Variants in THBS2 observed in about 807,000 individuals in gnomAD.
THBS2 encodes thrombospondin 2, also known as thrombospondin-2.
A neutral mutation model predicts 135.2 loss-of-function variants in THBS2; 47 were observed. The ratio of observed to expected loss-of-function variants is 0.35; its 90% CI spans 0.28 to 0.44. The LOEUF is 0.44. Ranked by LOEUF, THBS2 falls within the 20% of genes least tolerant of loss-of-function variation. The pLI, the probability that THBS2 is intolerant of heterozygous loss-of-function variation, is 1.00. For missense variants in THBS2, 1,288 were observed against 1,603.1 expected (o/e 0.80, Z 3.36); for synonymous variants, 639 against 633.8 (o/e 1.01, Z -0.12).
At chr6:169,242,653 TCCCACCTTCCCACCAC>T (rs1780365414) in intron 4 of THBS2, among the ~76,000 whole-genome samples, 1 of 21,246 alleles carries the variant, frequency 4.7e-5, no homozygotes, top group Non-Finnish European at 9.2e-5. Context: ...TTCCCACCAC[TCCCACCTTCCCACCAC>T]TCCCACCTTC....
intron 10 of THBS2, among the ~76,000 whole-genome samples, chr6:169,233,335 C>T (rs1034173912): frequency 1.3e-5 from 2 of 151,942 alleles, no homozygotes; most frequent in South Asian, 2.1e-4. Context: ...CACACAACTA[C>T]ATGTCAGGTG....
rs565500985 is a variant in THBS2 at position 169,216,931 on chromosome 6, T to C, written c.*891A>G. The C allele has an allele frequency of 2.6e-5, 4 of 152,264 alleles. No individual in the cohort carries two copies. Among genetic ancestry groups the C allele is most frequent in the Non-Finnish European group, 5.9e-5 (4 of 68,042 alleles). 9.4% of individuals were successfully genotyped at this position (152,264 alleles called of 1,614,324 possible). ...GCCTAGATACGCGTTAGATGCGCCTTTTCCGGCCTGTGCGTCTGCTCTGGT... is the reference window on the plus strand; with the variant it reads ...GCCTAGATACGCGTTAGATGCGCCTCTTCCGGCCTGTGCGTCTGCTCTGGT... On this transcript the variant is annotated 3_prime_UTR_variant, in exon 22 of 22. Coordinates refer to ENST00000617924, the MANE Select transcript of THBS2 (RefSeq NM_003247.5).
chr6:169,248,277 G>A, intron 3 of THBS2, 140 bp downstream of exon 3: 4 of 993,088 alleles, frequency 4.0e-6, no homozygotes, highest in South Asian at 3.1e-5. Flanking sequence ...ATGTGTGTGA[G>A]CACATGCCGG....
In THBS2 at chr6:169,232,705, G is replaced by T. The variant is rs768480725; in HGVS notation, c.1891C>A (p.Pro631Thr). The change falls in exon 12 of 22, where the codon CCC becomes ACC. Residue 631 changes from proline (P) to threonine (T), a missense_variant. Around this residue, in one of 2 missense-constraint regions of THBS2, gnomAD observed 874 missense variants for 1,156.1 expected, o/e 0.76. Transcript: ENST00000617924. ...PCPPRYRGNQPVGVGLEAAKT... is the reference protein window; with the variant it reads ...PCPPRYRGNQTVGVGLEAAKT... ...GCTGCTTCCAGGCCGACCCCGACGGGCTGGTTCCCTCTGTATCGGGGCGGG... is the reference window on the plus strand; with the variant it reads ...GCTGCTTCCAGGCCGACCCCGACGGTCTGGTTCCCTCTGTATCGGGGCGGG... The T allele has an allele frequency of 6.8e-6, 11 of 1,613,400 alleles. No homozygotes were observed. The highest frequency in any genetic ancestry group is 1.6e-4 in the Middle Eastern group (1 of 6,070).
intron 13 of THBS2, among the ~76,000 whole-genome samples, chr6:169,231,205 G>C (rs867682852): frequency 6.6e-6 from 1 of 152,186 alleles, no homozygotes; most frequent in African/African-American, 2.4e-5. Flanking sequence ...GATTATCTGG[G>C]TGGGCCCTAA....
intron 10 of THBS2, 162 bp downstream of exon 10, chr6:169,234,572 C>G: frequency 1.3e-6 from 1 of 766,696 alleles, no homozygotes; most frequent in Non-Finnish European, 1.9e-6. Flanking sequence ...ATTAGAAATA[C>G]AGGAGGACTG....
chr6:169,237,302 A>G lies in THBS2; in HGVS notation c.1345T>C (p.Cys449Arg). The G allele has an allele frequency of 6.2e-7, 1 of 1,613,478 alleles. No individual in the cohort carries two copies. Among genetic ancestry groups the G allele is most frequent in the Non-Finnish European group, 8.5e-7 (1 of 1,180,020 alleles). Residue 449 changes from cysteine to arginine, a missense_variant, in exon 9 of 22, where the codon TGC becomes CGC. By Grantham distance (180) the Cys-to-Arg change is radical (BLOSUM62 -3). Transcript: ENST00000617924. ...TTGCCAACTCCACAGGTCACAGAGCATGAAGACCAAGGTGACCAGTGGCTC... is the reference window on the plus strand; with the variant it reads ...TTGCCAACTCCACAGGTCACAGAGCGTGAAGACCAAGGTGACCAGTGGCTC... ...GWSHWSPWSS[C>R]SVTCGVGNIT...
In THBS2 at chr6:169,237,199, G is replaced by C; in HGVS notation, c.1448C>G (p.Thr483Ser). Residue 483 changes from threonine to serine, a missense_variant, in exon 9 of 22, where the codon ACC becomes AGC. Thr to Ser is a moderately conservative substitution (Grantham distance 58). Around this residue, in one of 2 missense-constraint regions of THBS2, gnomAD observed 874 missense variants for 1,156.1 expected, o/e 0.76. Coordinates refer to ENST00000617924, the MANE Select transcript of THBS2 (RefSeq NM_003247.5). ...GKNCKGSGRE[T>S]KACQGAPCPI... Reference sequence around the variant, plus strand: ...GCATGGGGCGCCCTGGCAGGCTTTGGTCTCCCGGCCACTCCCTTTGCAATT... The same window carrying C: ...GCATGGGGCGCCCTGGCAGGCTTTGCTCTCCCGGCCACTCCCTTTGCAATT... 6.2e-7 allele frequency: 1 copy of C among 1,610,840 alleles called. No individual in the cohort carries two copies. Among genetic ancestry groups the C allele is most frequent in the Non-Finnish European group, 8.5e-7 (1 of 1,179,682 alleles).
chr6:169,237,976 A>C (rs1294648592), intron 7 of THBS2, among the ~76,000 whole-genome samples, 181 bp from the exon 8 acceptor site: 2 of 152,206 alleles, frequency 1.3e-5, no homozygotes, highest in African/African-American at 4.8e-5. Context: ...GTGGGACCCA[A>C]GTTTGTGACC....
At position 169,239,713 on chromosome 6, in the gene THBS2, C is replaced by T. The variant is rs1165162855; in HGVS notation, c.1033-18G>A. On this transcript the variant is annotated intron_variant, in intron 6 of 21. Coordinates refer to ENST00000617924, the MANE Select transcript of THBS2 (RefSeq NM_003247.5). Reference sequence around the variant, plus strand: ...TTAAATTTCTACAAGTGAAGAAAGGCATGCATGGAACACTCATTTAAAAGG... The same window carrying T: ...TTAAATTTCTACAAGTGAAGAAAGGTATGCATGGAACACTCATTTAAAAGG... 6.4e-7 allele frequency: 1 copy of T among 1,564,248 alleles called. No homozygotes were observed. Among genetic ancestry groups the T allele is most frequent in the South Asian group, 1.2e-5 (1 of 85,554 alleles).
rs142990315 is a variant in THBS2 at position 169,229,531 on chromosome 6, C to T, written c.2259+41G>A. The T allele has an allele frequency of 1.7e-3, 2,644 of 1,570,608 alleles. 38 individuals are homozygous for T. The African/African-American group carries it at 0.032, about 19-fold the overall frequency. ...GTGGCCTCCTGTGGACCTCGCTGCT[C>T]CTGGAACCCAGGGCAGGTGCGCGGC... On this transcript the variant is annotated intron_variant, in intron 14 of 21. Coordinates refer to ENST00000617924, the MANE Select transcript of THBS2 (RefSeq NM_003247.5).
intron 4 of THBS2, among the ~76,000 whole-genome samples, chr6:169,243,378 C>T (rs1363333743): frequency 6.6e-6 from 1 of 152,232 alleles, no homozygotes; most frequent in African/African-American, 2.4e-5. Context: ...GGCTCTAGGC[C>T]GGAGCTCACC....
chr6:169,226,231 G>A lies in THBS2; in HGVS notation c.2487C>T (p.Asp829=), dbSNP rs201464524. ...YNTDQRDTDG[D]GVGDHCDNCP... ...AGTTGTCACAGTGATCCCCCACACCGTCACCATCCGTGTCCCTCTGGTCAG... is the reference window on the plus strand; with the variant it reads ...AGTTGTCACAGTGATCCCCCACACCATCACCATCCGTGTCCCTCTGGTCAG... Residue 829 remains aspartate (D), a synonymous_variant, in exon 16 of 22, where the codon GAC becomes GAT. Coordinates refer to ENST00000617924, the MANE Select transcript of THBS2 (RefSeq NM_003247.5). The A allele has an allele frequency of 2.5e-5, 40 of 1,614,152 alleles. No homozygotes were observed. Among genetic ancestry groups the A allele is most frequent in the East Asian group, 2.0e-4 (9 of 44,876 alleles).
At chr6:169,240,370 C>A in intron 6 of THBS2, 82 bp downstream of exon 6, 3 of 1,565,278 alleles carry the variant, frequency 1.9e-6, no homozygotes, top group African/African-American at 1.3e-5. Context: ...CAGCACTGAA[C>A]GCTGGCATTT....
chr6:169,250,651 A>G (rs1455244934), intron 2 of THBS2, 82 bp downstream of exon 2: 12 of 1,322,020 alleles, frequency 9.1e-6, no homozygotes, highest in Non-Finnish European at 1.2e-5. Context: ...CCAACCACAC[A>G]CTTTATTTTG....
chr6:169,226,029 T>C (rs780627949), intron 16 of THBS2, 151 bp downstream of exon 16: 1 of 724,668 alleles, frequency 1.4e-6, no homozygotes, highest in Non-Finnish European at 2.3e-6. Context: ...AGGGGACTGA[T>C]GAGGACCTGA....
At chr6:169,218,970 AGGT>A (rs1779309692) in intron 21 of THBS2, among the ~76,000 whole-genome samples, 2 of 131,878 alleles carry the variant, frequency 1.5e-5, no homozygotes, top group Non-Finnish European at 3.2e-5. Context: ...ATGGATGAGT[AGGT>A]GGGTGGATGA....
rs1464439205 is a variant in THBS2, at chr6:169,237,793, C to T, written c.1132G>A (p.Val378Met). The change falls in exon 8 of 22, where the codon GTG becomes ATG. Residue 378 changes from valine to methionine, a missense_variant and splice_region_variant. By Grantham distance (21) the Val-to-Met change is conservative. Around this residue, in one of 2 missense-constraint regions of THBS2, gnomAD observed 874 missense variants for 1,156.1 expected, o/e 0.76. Coordinates refer to ENST00000617924, the MANE Select transcript of THBS2 (RefSeq NM_003247.5). ...GGAGACCAGCCCTCCTCACCGTCCA[C>T]CGCTGCCAGAGGAAGCAAACACGGT... is the stretch of plus-strand genomic sequence containing the variant. ...GECCPSCLHSVDGEEGWSPWA... is the reference protein window; with the variant it reads ...GECCPSCLHSMDGEEGWSPWA... The T allele has an allele frequency of 6.2e-7, 1 of 1,608,482 alleles. No homozygotes were observed. The highest frequency in any genetic ancestry group is 1.1e-5 in the South Asian group (1 of 91,032).
chr6:169,220,398 T>G (rs948711677), intron 20 of THBS2, 61 bp from the exon 21 acceptor site: 2 of 1,560,740 alleles, frequency 1.3e-6, no homozygotes, highest in Non-Finnish European at 1.7e-6. Context: ...CTGTGAAGCA[T>G]TCACCAGTGA....
Sources: gnomAD v4.1 joint callset for allele counts (sites outside exome capture counted in the v4.1 genomes callset) on GRCh38, gnomAD v4.1.1 for gene constraint, gnomAD v4.1.1 regional missense constraint, MANE v1.5 for transcripts, NCBI Gene and HGNC (gene_info 2026-07-23, HGNC 2026-07-21) for gene names.